Variants in CDC25C observed in about 807,000 individuals in gnomAD.
CDC25C encodes the protein M-phase inducer phosphatase 3.
CDC25C carries 48 observed loss-of-function variants against 52.5 expected under a neutral mutation model. The observed-to-expected ratio is 0.91, with a 90% CI of 0.72 to 1.16. The LOEUF (loss-of-function observed/expected upper bound fraction) is 1.16. Among genes scored for constraint, CDC25C ranks in the 50% most tolerant of loss-of-function variants. The pLI, the probability that CDC25C is intolerant of heterozygous loss-of-function variation, is 0.00. For missense variants in CDC25C, 510 were observed against 566.1 expected (o/e 0.90, Z 1.01); for synonymous variants, 187 against 206.5 (o/e 0.91, Z 0.81).
At chr5:138,289,264 T>A (rs564359224) in intron 10 of CDC25C, among the ~76,000 whole-genome samples, 12 of 152,186 alleles carry the variant, frequency 7.9e-5, no homozygotes, top group Admixed American at 1.3e-4. Flanking sequence ...TGAGCCACCA[T>A]GCCTGACCCC....
intron 3 of CDC25C, 134 bp downstream of exon 3, chr5:138,329,419 G>T: frequency 1.6e-6 from 1 of 614,216 alleles, no homozygotes; most frequent in Non-Finnish European, 2.9e-6. Flanking sequence ...AAATCCTCTA[G>T]TTACCCACAA....
intron 10 of CDC25C, 52 bp from the exon 11 acceptor site, chr5:138,287,319 G>C (rs1360031798): frequency 1.5e-6 from 2 of 1,306,790 alleles, no homozygotes; most frequent in South Asian, 1.2e-5. Flanking sequence ...CTGAGGGAGA[G>C]AAGGGTCAAT....
intron 7 of CDC25C, among the ~76,000 whole-genome samples, chr5:138,313,818 C>T (rs189833760): frequency 1.3e-5 from 2 of 152,192 alleles, no homozygotes; most frequent in East Asian, 3.9e-4. Context: ...TCCTCCTTAG[C>T]ATCTATAACT....
chr5:138,325,696 A>T (rs1580810110), intron 6 of CDC25C, 119 bp downstream of exon 6: 1 of 730,498 alleles, frequency 1.4e-6, no homozygotes, highest in East Asian at 2.7e-5. Context: ...CCCTATAGTA[A>T]TACAGTTTCC....
At chr5:138,291,929 G>A in intron 8 of CDC25C, 41 bp downstream of exon 8, 1 of 1,556,662 alleles carries the variant, frequency 6.4e-7, no homozygotes, top group East Asian at 2.3e-5. Context: ...AAAGACATGA[G>A]ATAGAAGATG....
chr5:138,326,688 C>T (rs1016720647), intron 4 of CDC25C, among the ~76,000 whole-genome samples: 5 of 152,022 alleles, frequency 3.3e-5, no homozygotes, highest in Admixed American at 1.3e-4. Flanking sequence ...GCGCTGTGGC[C>T]CACGCCTGTA....
intron 7 of CDC25C, among the ~76,000 whole-genome samples, chr5:138,294,193 A>ATT (rs1270076043): frequency 6.0e-5 from 7 of 116,946 alleles, no homozygotes; most frequent in Non-Finnish European, 1.1e-4. Context: ...TGCTTGGCTA[A>ATT]TTTTTTTTTT....
intron 7 of CDC25C, among the ~76,000 whole-genome samples, chr5:138,299,065 TG>T (rs1229312058): frequency 2.7e-5 from 4 of 146,968 alleles, no homozygotes; most frequent in Non-Finnish European, 6.0e-5. Context: ...TGGTGGCGGG[TG>T]CCTGTAGTCC....
upstream of CDC25C, among the ~76,000 whole-genome samples, chr5:138,335,779 T>TC (rs1760658007): frequency 6.6e-6 from 1 of 151,160 alleles, no homozygotes; most frequent in Non-Finnish European, 1.5e-5. Flanking sequence ...TTTTTTTTTT[T>TC]GTTTTGTTTT....
At chr5:138,298,404 C>T (rs924533108) in intron 7 of CDC25C, among the ~76,000 whole-genome samples, 3 of 152,146 alleles carry the variant, frequency 2.0e-5, no homozygotes. Context: ...GTAGAATACA[C>T]ATTCTTCTCC....
chr5:138,338,256 C>G, exon 1 of CDC25C: 1 of 1,100,318 alleles, frequency 9.1e-7, no homozygotes. Flanking sequence ...GTGGGGCGAA[C>G]CGAGCGCTCA....
At position 138,323,646 on chromosome 5, in the gene CDC25C, C is replaced by T. The variant is rs138996614; in HGVS notation, c.459+2169G>A. Among the ~76,000 whole-genome samples, 471 of 151,900 alleles carry T rather than the reference C, an allele frequency of 3.1e-3. 6 individuals carry two copies. The highest frequency in any genetic ancestry group is 0.024 in the East Asian group (122 of 5,108). ...TTTTCCCTCAAACTAGACTGCTCAGCAGAAAGTAATTTTTTAAAAAATTCC... is the reference window on the plus strand; with the variant it reads ...TTTTCCCTCAAACTAGACTGCTCAGTAGAAAGTAATTTTTTAAAAAATTCC... On this transcript the variant is annotated intron_variant, in intron 6 of 13. Coordinates refer to ENST00000323760, the MANE Select transcript of CDC25C (RefSeq NM_001790.5).
intron 7 of CDC25C, among the ~76,000 whole-genome samples, chr5:138,317,667 A>C (rs1274823672): frequency 1.3e-5 from 2 of 148,286 alleles, no homozygotes; most frequent in East Asian, 4.0e-4. Flanking sequence ...GCTACAGAGA[A>C]AGACCCTGTC....
In CDC25C at chr5:138,288,578, C is replaced by A. The variant is rs62380874; in HGVS notation, c.927+923G>T. On this transcript the variant is annotated intron_variant, in intron 10 of 13. Coordinates refer to ENST00000323760, the MANE Select transcript of CDC25C (RefSeq NM_001790.5). ...CGGTGTGATGGCTGGCACCTGTAAT[C>A]CCAGCTACTTGGGAGGCTGAGGCAG... is the stretch of plus-strand genomic sequence containing the variant. Among the ~76,000 whole-genome samples, 663 of 152,200 alleles carry A rather than the reference C, an allele frequency of 4.4e-3. 2 individuals are homozygous for A. The highest frequency in any genetic ancestry group is 6.2e-3 in the Non-Finnish European group (425 of 68,014).
Position 138,305,849 on chromosome 5 carries a change from T to C in CDC25C, c.615+13370A>G, listed in dbSNP as rs562648051. Among the ~76,000 whole-genome samples, 5 of 152,330 alleles carry C rather than the reference T, an allele frequency of 3.3e-5. No homozygotes were observed. The South Asian group carries it at 1.0e-3, about 32-fold the overall frequency. Reference sequence around the variant, plus strand: ...ACAGATATTCCCTTTTCCATGCCCTTGTGACCAACTAGATATTCCTGCCTG... The same window carrying C: ...ACAGATATTCCCTTTTCCATGCCCTCGTGACCAACTAGATATTCCTGCCTG... On this transcript the variant is annotated intron_variant, in intron 7 of 13. Transcript: ENST00000323760.
rs1403601747 is a variant in CDC25C at position 138,325,896 on chromosome 5, A to C, written c.378T>G (p.Leu126=). 1 of 1,614,024 alleles carries C rather than the reference A, an allele frequency of 6.2e-7. No homozygotes were observed. Among genetic ancestry groups the C allele is most frequent in the Non-Finnish European group, 8.5e-7 (1 of 1,179,978 alleles). Reference sequence around the variant, plus strand: ...CCAAACCATTCGGAGTGCTACAAAGAAGCTGTGCCTAAAAAAGAGAGTTTG... The same window carrying C: ...CCAAACCATTCGGAGTGCTACAAAGCAGCTGTGCCTAAAAAAGAGAGTTTG... ...QHLMKCSPAQ[L]LCSTPNGLDR... The change falls in exon 6 of 14, where the codon CTT becomes CTG. Residue 126 remains leucine (L), a synonymous_variant. Transcript: ENST00000323760.
chr5:138,309,849 G>A (rs1036739294), intron 7 of CDC25C, among the ~76,000 whole-genome samples: 2 of 151,416 alleles, frequency 1.3e-5, no homozygotes, highest in African/African-American at 2.4e-5. Flanking sequence ...TGGGATTACA[G>A]GCACCTGCCA....
chr5:138,337,783 A>C, intron 1 of CDC25C: 1 of 389,108 alleles, frequency 2.6e-6, no homozygotes, highest in Non-Finnish European at 4.7e-6. Context: ...CACGCCGCGG[A>C]CGGGTCCTTT....
chr5:138,324,337 T>C (rs1190577947), intron 6 of CDC25C, among the ~76,000 whole-genome samples: 2 of 152,162 alleles, frequency 1.3e-5, no homozygotes, highest in Non-Finnish European at 2.9e-5. Context: ...ATGTAAATTC[T>C]TGTAACTTTT....
Sources: allele counts gnomAD v4.1 joint callset (sites outside exome capture counted in the v4.1 genomes callset), GRCh38; gene constraint gnomAD v4.1.1; transcripts MANE v1.5; gene names NCBI Gene and HGNC (gene_info 2026-07-23, HGNC 2026-07-21).